Variants in TDP1 observed in about 807,000 individuals in gnomAD.
TDP1 encodes the protein tyrosyl-DNA phosphodiesterase 1.
A neutral mutation model predicts 81.5 loss-of-function variants in TDP1; 64 were observed. That is an observed-to-expected ratio of 0.79 (90% CI 0.64 to 0.97). TDP1 has a LOEUF of 0.97. TDP1 is among the 50% of genes least tolerant of loss of function. TDP1 has a pLI of 0.00. For missense variants in TDP1, 723 were observed against 743.8 expected, an observed-to-expected ratio of 0.97 and a Z score of 0.33; for synonymous variants, 256 against 264.3, an observed-to-expected ratio of 0.97 and a Z score of 0.30.
chr14:90,037,582 C>T (rs34607536), intron 16 of TDP1, among the ~76,000 whole-genome samples: 15,049 of 152,098 alleles, frequency 0.099, 1,689 homozygotes, highest in African/African-American at 0.27. Flanking sequence ...AGAATTCCTG[C>T]ACACTCTTTA....
intron 2 of TDP1, among the ~76,000 whole-genome samples, chr14:89,959,744 GAT>G (rs1892111128): frequency 6.6e-6 from 1 of 152,152 alleles, no homozygotes; most frequent in Non-Finnish European, 1.5e-5. Flanking sequence ...AGAAAATGGA[GAT>G]AATGATAAAA....
At chr14:90,008,463 T>C (rs1290678012) in intron 14 of TDP1, among the ~76,000 whole-genome samples, 1 of 152,248 alleles carries the variant, frequency 6.6e-6, no homozygotes, top group African/African-American at 2.4e-5. Flanking sequence ...TCACGCTGCC[T>C]GAGTTCGAAT....
chr14:90,019,164 C>G, intron 14 of TDP1, 152 bp from the exon 15 acceptor site: 1 of 1,430,130 alleles, frequency 7.0e-7, no homozygotes, highest in Non-Finnish European at 9.5e-7. Flanking sequence ...ATTTTAAATT[C>G]TCTTTTCAAA....
rs368969696 is a variant in TDP1 at position 89,985,160 on chromosome 14, C to T, written c.1081C>T (p.Arg361Cys). ...TTATCTTATTGGTTCAACCCCAGGACGCTTTCAAGGAAGTCAAAAAGATAA... is the reference window on the plus strand; with the variant it reads ...TTATCTTATTGGTTCAACCCCAGGATGCTTTCAAGGAAGTCAAAAAGATAA... ...NVYLIGSTPG[R>C]FQGSQKDNWG... is the part of the protein sequence containing the mutation. The change falls in exon 10 of 17, where the codon CGC becomes TGC. Residue 361 changes from arginine to cysteine, a missense_variant. By Grantham distance (180) the Arg-to-Cys change is radical. Transcript: ENST00000335725. The T allele has an allele frequency of 3.0e-5, 48 of 1,611,364 alleles. No individual in the cohort carries two copies. Among genetic ancestry groups the T allele is most frequent in the East Asian group, 4.5e-5 (2 of 44,742 alleles).
At chr14:90,007,839 C>T (rs1167202356) in intron 14 of TDP1, among the ~76,000 whole-genome samples, 4 of 152,176 alleles carry the variant, frequency 2.6e-5, no homozygotes, top group African/African-American at 9.6e-5. Flanking sequence ...TCAAGCAATC[C>T]TTCCACCTCA....
At chr14:90,019,794 G>A (rs144040704) in intron 15 of TDP1, among the ~76,000 whole-genome samples, 2 of 152,306 alleles carry the variant, frequency 1.3e-5, no homozygotes, top group East Asian at 3.9e-4. Context: ...GTGACTGGAG[G>A]ATGAAGTTGG....
intron 15 of TDP1, chr14:90,022,587 G>A (rs1886209127): frequency 5.7e-6 from 1 of 175,058 alleles, no homozygotes; most frequent in South Asian, 1.9e-4. Flanking sequence ...CACCCTAAGG[G>A]GTAGATACTA....
In TDP1 at chr14:89,962,954, A is replaced by G. The variant is rs183359165; in HGVS notation, c.-7-154A>G. The G allele has an allele frequency of 2.1e-3, 2,024 of 985,404 alleles. 6 individuals are homozygous for G. Among genetic ancestry groups the G allele is most frequent in the Middle Eastern group, 6.8e-3 (13 of 1,914 alleles). The allele number at this position is 985,404 out of a possible 1,614,324, so 61.0% of individuals were successfully genotyped here. On this transcript the variant is annotated intron_variant, in intron 2 of 16. Transcript: ENST00000335725. ...CAGAATCTGATAGTGGATTCTGGTA[A>G]TGTGCTTATAAACACCCAAAAAGCA...
At chr14:90,016,497 A>G (rs1302490735) in intron 14 of TDP1, among the ~76,000 whole-genome samples, 5 of 152,146 alleles carry the variant, frequency 3.3e-5, no homozygotes, top group African/African-American at 1.2e-4. Context: ...TCTGCAAGAC[A>G]TCCACACCTC....
chr14:90,041,129 A>G (rs910082199), intron 16 of TDP1, among the ~76,000 whole-genome samples: 2 of 152,230 alleles, frequency 1.3e-5, no homozygotes, highest in Non-Finnish European at 2.9e-5. Context: ...GGCCTTGGGA[A>G]TGAAGCAGAG....
intron 14 of TDP1, among the ~76,000 whole-genome samples, chr14:90,009,629 C>T: frequency 6.6e-6 from 1 of 151,982 alleles, no homozygotes; most frequent in Non-Finnish European, 1.5e-5. Flanking sequence ...AAGTTATAGC[C>T]AGTGCAATAA....
intron 15 of TDP1, among the ~76,000 whole-genome samples, chr14:90,026,024 G>C (rs1255521159): frequency 6.6e-6 from 1 of 152,218 alleles, no homozygotes; most frequent in South Asian, 2.1e-4. Context: ...CCCTGTGCTG[G>C]TCTCAGCCTC....
Position 89,966,098 on chromosome 14 carries a change from CTA to C in TDP1, c.560-48_560-47del, listed in dbSNP as rs1313164516. The C allele has an allele frequency of 4.7e-6, 6 of 1,287,196 alleles. No homozygotes were observed. The East Asian group carries it at 9.2e-5, about 20-fold the overall frequency. 79.7% of individuals were successfully genotyped at this position (1,287,196 alleles called of 1,614,324 possible). A position where few individuals can be genotyped will look rare whatever the true frequency, so the allele number is the denominator to read the frequency against. ...AATGAGTTAGTAGTGATTATTATGA[CTA>C]GAGGATTTTTGTGAGTGTGAATTTG... On this transcript the variant is annotated intron_variant, in intron 3 of 16. Coordinates refer to ENST00000335725, the MANE Select transcript of TDP1 (RefSeq NM_018319.4).
chr14:89,993,563 C>T, intron 14 of TDP1, 80 bp downstream of exon 14: 8 of 1,558,078 alleles, frequency 5.1e-6, no homozygotes. Context: ...GAATGGGTTT[C>T]TAAAAAGTGA....
At position 89,998,436 on chromosome 14, in the gene TDP1, GTATGTA is replaced by G. The variant is rs1156857406; in HGVS notation, c.1541+4969_1541+4974del. 1.6e-3 allele frequency among the ~76,000 whole-genome samples: 174 copies of G among 106,416 alleles called. 4 individuals are homozygous for G. Among genetic ancestry groups the G allele is most frequent in the African/African-American group, 6.3e-3 (127 of 20,090 alleles). The allele number at this position is 106,416 out of a possible 152,430, so 69.8% of individuals were successfully genotyped here. A position where few individuals can be genotyped will look rare whatever the true frequency, so the allele number is the denominator to read the frequency against. ...TATATATATATATGTATGTATGTATGTATGTATATGTATATGTATATATATGTATAT... is the reference window on the plus strand; with the variant it reads ...TATATATATATATGTATGTATGTATGTATGTATATGTATATATATGTATAT... On this transcript the variant is annotated intron_variant, in intron 14 of 16. Transcript: ENST00000335725.
At chr14:90,032,726 A>G in intron 15 of TDP1, 5 of 984,962 alleles carry the variant, frequency 5.1e-6, no homozygotes, top group Middle Eastern at 5.2e-4. Context: ...GCCTGTTACT[A>G]TAGCAATGTT....
chr14:89,963,591 T>A lies in TDP1; in HGVS notation c.477T>A (p.Asp159Glu). The A allele has an allele frequency of 3.7e-6, 6 of 1,614,098 alleles. No individual in the cohort carries two copies. The highest frequency in any genetic ancestry group is 5.1e-6 in the Non-Finnish European group (6 of 1,179,978). Residue 159 changes from aspartate (D) to glutamate (E), a missense_variant, in exon 3 of 17, where the codon GAT becomes GAA. Asp to Glu is a conservative substitution (Grantham distance 45, BLOSUM62 2). Coordinates refer to ENST00000335725, the MANE Select transcript of TDP1 (RefSeq NM_018319.4). ...GEGQDIWDMLDKGNPFQFYLT... is the reference protein window; with the variant it reads ...GEGQDIWDMLEKGNPFQFYLT... The stretch of plus-strand genomic sequence containing the variant: ...GCCAGGACATTTGGGACATGCTGGA[T>A]AAAGGGAACCCCTTCCAGTTTTACC...
Position 89,998,420 on chromosome 14 carries a change from A to ATATGTATGTATGTATGTATG in TDP1, c.1541+4941_1541+4960dup, listed in dbSNP as rs757314572. 1.1e-3 allele frequency among the ~76,000 whole-genome samples: 84 copies of ATATGTATGTATGTATGTATG among 79,242 alleles called. 1 individual carries two copies. The highest frequency in any genetic ancestry group is 5.0e-3 in the African/African-American group (78 of 15,588). The allele number at this position is 79,242 out of a possible 152,430, so 52.0% of individuals were successfully genotyped here. ...TATATATATATATATATATATATAT[A>ATATGTATGTATGTATGTATG]TATGTATGTATGTATGTATGTATAT... On this transcript the variant is annotated intron_variant, in intron 14 of 16. Coordinates refer to ENST00000335725, the MANE Select transcript of TDP1 (RefSeq NM_018319.4).
At chr14:89,965,826 TAGA>T (rs1892877086) in intron 3 of TDP1, 1 of 984,816 alleles carries the variant, frequency 1.0e-6, no homozygotes, top group South Asian at 4.7e-5. Flanking sequence ...TTGGAGGAGG[TAGA>T]AGTTCAGAGA....
Sources: gnomAD v4.1 joint callset for allele counts (sites outside exome capture counted in the v4.1 genomes callset) on GRCh38, gnomAD v4.1.1 for gene constraint, MANE v1.5 for transcripts, NCBI Gene and HGNC (gene_info 2026-07-23, HGNC 2026-07-21) for gene names.